MAPKAP1: variants seen among roughly 807,000 people sequenced by gnomAD.
MAPKAP1 encodes the protein MAPK associated protein 1, also known as target of rapamycin complex 2 subunit MAPKAP1.
In MAPKAP1, 20 loss-of-function variants were observed where a neutral mutation model predicts 65.7. That is an observed-to-expected ratio of 0.30 (90% CI 0.21 to 0.44). The LOEUF (loss-of-function observed/expected upper bound fraction) is 0.44. Among genes scored for constraint, MAPKAP1 ranks in the 20% least tolerant of loss-of-function variants. The pLI, the probability that MAPKAP1 is intolerant of heterozygous loss-of-function variation, is 1.00. For synonymous variants in MAPKAP1, 222 were observed against 244.3 expected (o/e 0.91, Z 0.85); for missense variants, 423 against 648.0 (o/e 0.65, Z 3.77).
chr9:125,506,955 TTAAA>T (rs1306159067), intron 7 of MAPKAP1, among the ~76,000 whole-genome samples: 1 of 152,162 alleles, frequency 6.6e-6, no homozygotes, highest in African/African-American at 2.4e-5. Flanking sequence ...ACAGGTAAGC[TTAAA>T]TAAATAAAGC....
chr9:125,642,583 A>G (rs1833610388), intron 4 of MAPKAP1, among the ~76,000 whole-genome samples: 1 of 152,210 alleles, frequency 6.6e-6, no homozygotes, highest in African/African-American at 2.4e-5. Flanking sequence ...ATTTGGTGTA[A>G]AAATAGGTGG....
chr9:125,578,094 T>C (rs895832067), intron 5 of MAPKAP1, among the ~76,000 whole-genome samples: 4 of 151,986 alleles, frequency 2.6e-5, no homozygotes, highest in African/African-American at 9.7e-5. Flanking sequence ...CTAAGAAAAA[T>C]TCTTCTGCCT....
chr9:125,467,537 C>G (rs1390401922), intron 10 of MAPKAP1, among the ~76,000 whole-genome samples: 1 of 152,196 alleles, frequency 6.6e-6, no homozygotes, highest in Admixed American at 6.5e-5. Flanking sequence ...ATATCTAAAT[C>G]TAGGCGTTCG....
chr9:125,557,463 T>G (rs576982869), intron 6 of MAPKAP1, among the ~76,000 whole-genome samples: 6 of 152,288 alleles, frequency 3.9e-5, no homozygotes, highest in African/African-American at 1.4e-4. Flanking sequence ...ATAAAAATGA[T>G]TTTAGGAATT....
At chr9:125,537,904 AG>A (rs1194548505) in intron 7 of MAPKAP1, among the ~76,000 whole-genome samples, 1 of 152,212 alleles carries the variant, frequency 6.6e-6, no homozygotes, top group Non-Finnish European at 1.5e-5. Context: ...AGTCTAGTAC[AG>A]CAGGTCCACA....
At chr9:125,642,904 CT>C (rs570881854) in intron 4 of MAPKAP1, among the ~76,000 whole-genome samples, 11 of 149,108 alleles carry the variant, frequency 7.4e-5, no homozygotes, top group Non-Finnish European at 7.5e-5. Context: ...ATATATATGC[CT>C]TTTTTTTTTC....
chr9:125,673,364 T>A (rs961133985), intron 1 of MAPKAP1, among the ~76,000 whole-genome samples: 2 of 152,076 alleles, frequency 1.3e-5, no homozygotes, highest in Non-Finnish European at 2.9e-5. Context: ...GTAGCTGGGA[T>A]TACAGGGATG....
intron 5 of MAPKAP1, among the ~76,000 whole-genome samples, chr9:125,575,493 T>C (rs932136474): frequency 6.6e-6 from 1 of 152,236 alleles, no homozygotes; most frequent in Non-Finnish European, 1.5e-5. Flanking sequence ...TGCATGACTA[T>C]ACCATGTATT....
intron 7 of MAPKAP1, among the ~76,000 whole-genome samples, chr9:125,540,986 A>T (rs1278061831): frequency 6.6e-6 from 1 of 152,208 alleles, no homozygotes; most frequent in Non-Finnish European, 1.5e-5. Flanking sequence ...GTTTTATGAG[A>T]CCAGACTTAT....
chr9:125,461,082 C>T (rs997872395), intron 10 of MAPKAP1, among the ~76,000 whole-genome samples: 2 of 152,194 alleles, frequency 1.3e-5, no homozygotes, highest in African/African-American at 2.4e-5. Context: ...CAAACTGTTC[C>T]CTGAAAGCAC....
At chr9:125,603,056 GTCTT>G (rs67808052) in intron 4 of MAPKAP1, among the ~76,000 whole-genome samples, 113,865 of 148,716 alleles carry the variant, frequency 0.77, 46,757 homozygotes, top group Non-Finnish European at 0.92. Context: ...CCACACTTGC[GTCTT>G]TCTTTCTTTC....
chr9:125,686,305 C>A (rs1352763304), intron 1 of MAPKAP1, among the ~76,000 whole-genome samples: 2 of 136,386 alleles, frequency 1.5e-5, no homozygotes, highest in Admixed American at 7.6e-5. Flanking sequence ...GAATGAGACT[C>A]TGTCTCAAAA....
In MAPKAP1 at chr9:125,687,698, T is replaced by C. The variant is rs185224404; in HGVS notation, c.-69-15055A>G. 3.8e-3 allele frequency among the ~76,000 whole-genome samples: 573 copies of C among 151,796 alleles called. 4 individuals carry two copies. The highest frequency in any genetic ancestry group is 0.013 in the African/African-American group (536 of 41,362). On this transcript the variant is annotated intron_variant, in intron 1 of 11. Coordinates refer to ENST00000265960, the MANE Select transcript of MAPKAP1 (RefSeq NM_001006617.3). ...TACACAGGAGGCTGAGATGGGAGAA[T>C]CACTTGAGCCCAGGAGTTCAAGGTT...
chr9:125,621,697 C>A (rs1428897729), intron 4 of MAPKAP1, among the ~76,000 whole-genome samples: 1 of 152,180 alleles, frequency 6.6e-6, no homozygotes, highest in Non-Finnish European at 1.5e-5. Context: ...CTGAAGGCTG[C>A]TTTAGATATG....
At chr9:125,579,021 A>T (rs1292540260) in intron 5 of MAPKAP1, among the ~76,000 whole-genome samples, 1 of 152,242 alleles carries the variant, frequency 6.6e-6, no homozygotes, top group Non-Finnish European at 1.5e-5. Flanking sequence ...TTTCTGATCA[A>T]AATTCAATAA....
In MAPKAP1 at chr9:125,603,024, A is replaced by G. The variant is rs1006466812; in HGVS notation, c.499-17297T>C. On this transcript the variant is annotated intron_variant, in intron 4 of 11. Transcript: ENST00000265960. ...ATCCTCACATCTCAACCTCCCAAGA[A>G]GCTGGGACTACAGGAACACCACCAC... Among the ~76,000 whole-genome samples the G allele has an allele frequency of 9.2e-5, 14 of 152,144 alleles. No homozygotes were observed. The South Asian group carries it at 2.9e-3, about 32-fold the overall frequency.
At chr9:125,565,355 G>C (rs1034033568) in intron 5 of MAPKAP1, 1 of 158,024 alleles carries the variant, frequency 6.3e-6, no homozygotes, top group African/African-American at 2.4e-5. Flanking sequence ...ATGTGATCTG[G>C]CATGTTCAAT....
At chr9:125,476,615 T>C (rs945017009) in intron 9 of MAPKAP1, among the ~76,000 whole-genome samples, 2 of 152,030 alleles carry the variant, frequency 1.3e-5, no homozygotes, top group Non-Finnish European at 2.9e-5. Flanking sequence ...AGCCTGAGAG[T>C]GTGCCTGAGG....
chr9:125,607,249 T>C (rs937464215), intron 4 of MAPKAP1, among the ~76,000 whole-genome samples: 2 of 152,146 alleles, frequency 1.3e-5, no homozygotes, highest in Non-Finnish European at 2.9e-5. Context: ...ACAATAAATA[T>C]CATGGGCTGG....
Sources: gnomAD v4.1 joint callset for allele counts (sites outside exome capture counted in the v4.1 genomes callset) on GRCh38, gnomAD v4.1.1 for gene constraint, MANE v1.5 for transcripts, NCBI Gene and HGNC (gene_info 2026-07-23, HGNC 2026-07-21) for gene names.